Variants in CFAP221 observed in about 807,000 individuals in gnomAD.
The protein encoded by CFAP221 is cilia- and flagella-associated protein 221.
In CFAP221, 97 loss-of-function variants were observed where a neutral mutation model predicts 113.1. The ratio of observed to expected loss-of-function variants is 0.86; its 90% CI spans 0.73 to 1.02. CFAP221 has a LOEUF of 1.02. Ranked by LOEUF, CFAP221 falls within the 50% of genes least tolerant of loss-of-function variation. CFAP221 has a pLI of 0.00. For synonymous variants in CFAP221, 331 were observed against 354.4 expected (o/e 0.93, Z 0.74); for missense variants, 1,025 against 1,013.4 (o/e 1.01, Z -0.16).
At chr2:119,625,103 G>A (rs1037421717) in intron 14 of CFAP221, among the ~76,000 whole-genome samples, 4 of 152,082 alleles carry the variant, frequency 2.6e-5, no homozygotes, top group African/African-American at 9.7e-5. Context: ...CCACAGCTCT[G>A]GGCTCAGGTA....
intron 3 of CFAP221, among the ~76,000 whole-genome samples, chr2:119,554,648 A>G (rs922391183): frequency 1.3e-5 from 2 of 152,210 alleles, no homozygotes; most frequent in Non-Finnish European, 1.5e-5. Flanking sequence ...AATCAGGGCC[A>G]TGAATCGCAT....
chr2:119,610,840 C>G (rs551175215), intron 12 of CFAP221, among the ~76,000 whole-genome samples: 21 of 152,294 alleles, frequency 1.4e-4, no homozygotes, highest in African/African-American at 5.1e-4. Flanking sequence ...ATAGAACACA[C>G]AGATAGGCAA....
At chr2:119,556,963 A>G (rs568907625) in intron 3 of CFAP221, 1 of 152,200 alleles carries the variant, frequency 6.6e-6, no homozygotes, top group South Asian at 2.1e-4. Context: ...TTGCTGTGAC[A>G]TACTCATGTT....
intron 7 of CFAP221, among the ~76,000 whole-genome samples, chr2:119,599,494 G>A (rs1243125079): frequency 6.6e-6 from 1 of 152,214 alleles, no homozygotes; most frequent in Non-Finnish European, 1.5e-5. Context: ...CTAACTAGGA[G>A]AAGGCAGATG....
intron 23 of CFAP221, among the ~76,000 whole-genome samples, chr2:119,652,787 C>T (rs1688202432): frequency 6.6e-6 from 1 of 151,626 alleles, no homozygotes; most frequent in African/African-American, 2.4e-5. Context: ...TTTGAAATTC[C>T]ATGTATAAAC....
At chr2:119,633,088 G>A (rs1574193487) in intron 19 of CFAP221, among the ~76,000 whole-genome samples, 1 of 151,958 alleles carries the variant, frequency 6.6e-6, no homozygotes, top group Non-Finnish European at 1.5e-5. Flanking sequence ...TTTGACAAAG[G>A]TCAGAGGTAA....
intron 22 of CFAP221, 151 bp downstream of exon 22, chr2:119,647,201 T>C (rs1459819814): frequency 3.5e-6 from 2 of 563,812 alleles, no homozygotes; most frequent in Non-Finnish European, 6.2e-6. Flanking sequence ...TACCATCACC[T>C]AGATAAGATG....
intron 22 of CFAP221, among the ~76,000 whole-genome samples, chr2:119,649,754 AC>A (rs1203089851): frequency 6.6e-6 from 1 of 152,176 alleles, no homozygotes; most frequent in Non-Finnish European, 1.5e-5. Flanking sequence ...TCTGAGAGGA[AC>A]AAGGACACAG....
intron 6 of CFAP221, among the ~76,000 whole-genome samples, chr2:119,564,372 G>T (rs565162990): frequency 9.5e-4 from 144 of 152,220 alleles, no homozygotes; most frequent in African/African-American, 3.4e-3. Context: ...TTTTTAAAAA[G>T]CTCTTTAAAA....
intron 19 of CFAP221, among the ~76,000 whole-genome samples, chr2:119,632,484 C>A (rs890368830): frequency 1.3e-5 from 2 of 152,026 alleles, no homozygotes; most frequent in African/African-American, 4.8e-5. Context: ...AGGGAACTTC[C>A]TCAACCAAAT....
intron 8 of CFAP221, chr2:119,602,751 G>T (rs2104667543): frequency 1.0e-6 from 1 of 985,396 alleles, no homozygotes; most frequent in African/African-American, 1.7e-5. Flanking sequence ...TTTTCTGGTG[G>T]CAAATAAGCA....
At chr2:119,632,148 C>T (rs545716510) in intron 19 of CFAP221, among the ~76,000 whole-genome samples, 2 of 152,112 alleles carry the variant, frequency 1.3e-5, no homozygotes, top group South Asian at 4.1e-4. Context: ...AGACTAATTC[C>T]CAAATCATTC....
chr2:119,620,567 G>A (rs1455958341), intron 14 of CFAP221, among the ~76,000 whole-genome samples: 1 of 152,138 alleles, frequency 6.6e-6, no homozygotes, highest in Non-Finnish European at 1.5e-5. Context: ...CACCAGGCCA[G>A]CCTTACAAGA....
chr2:119,652,018 T>C lies in CFAP221; in HGVS notation c.2363T>C (p.Met788Thr), dbSNP rs1688158291. Residue 788 changes from methionine to threonine, a missense_variant, in exon 23 of 24, where the codon ATG becomes ACG. Transcript: ENST00000413369. Reference protein sequence around the residue: ...QNVEVMLTPEMIKVEFPMLNY... With the variant: ...QNVEVMLTPETIKVEFPMLNY... ...GTAGAAGTTATGTTGACTCCAGAAA[T>C]GATCAAAGTGGAATTCCCTATGTTG... 2 of 1,613,574 alleles carry C rather than the reference T, an allele frequency of 1.2e-6. No homozygotes were observed. The highest frequency in any genetic ancestry group is 3.3e-5 in the Admixed American group (2 of 59,956).
At chr2:119,587,057 A>T (rs1478254006) in intron 6 of CFAP221, 62 bp from the exon 7 acceptor site, 1 of 1,260,194 alleles carries the variant, frequency 7.9e-7, no homozygotes, top group East Asian at 2.6e-5. Flanking sequence ...ATTCCTTGCT[A>T]CCAAAAGAAC....
chr2:119,597,698 G>T (rs919115557), intron 7 of CFAP221, among the ~76,000 whole-genome samples: 1 of 152,154 alleles, frequency 6.6e-6, no homozygotes, highest in Non-Finnish European at 1.5e-5. Flanking sequence ...GAGCCGGTGA[G>T]CATAGGGCCT....
At chr2:119,561,495 A>T (rs1170889185) in intron 5 of CFAP221, among the ~76,000 whole-genome samples, 1 of 152,174 alleles carries the variant, frequency 6.6e-6, no homozygotes, top group African/African-American at 2.4e-5. Context: ...TTTAATTCTT[A>T]AAAATGCCTT....
chr2:119,638,625 C>T (rs1009670667), intron 20 of CFAP221, among the ~76,000 whole-genome samples: 9 of 152,184 alleles, frequency 5.9e-5, no homozygotes, highest in South Asian at 2.1e-4. Flanking sequence ...ACCTGCCTCT[C>T]GGGCTGCCTG....
At chr2:119,658,732 G>A (rs944753791), downstream of CFAP221, among the ~76,000 whole-genome samples, 3 of 152,062 alleles carry the variant, frequency 2.0e-5, no homozygotes, top group African/African-American at 7.2e-5. Context: ...TGTAATGCTA[G>A]CACTTTGGAA....
Sources: gnomAD v4.1 joint callset for allele counts (sites outside exome capture counted in the v4.1 genomes callset) on GRCh38, gnomAD v4.1.1 for gene constraint, MANE v1.5 for transcripts, NCBI Gene and HGNC (gene_info 2026-07-23, HGNC 2026-07-21) for gene names.